GPRC5C: variants seen among roughly 807,000 people sequenced by gnomAD.
GPRC5C encodes G protein-coupled receptor family C group 5 member C.
Under a neutral mutation model 31.4 loss-of-function variants are expected in GPRC5C, and 22 were observed. The observed-to-expected ratio is 0.70, with a 90% CI of 0.50 to 1.00. GPRC5C has a LOEUF of 1.00. Ranked by LOEUF, GPRC5C falls within the 50% of genes least tolerant of loss-of-function variation. The pLI is 0.00. For missense variants in GPRC5C, 557 were observed against 597.2 expected (o/e 0.93, Z 0.70); for synonymous variants, 249 against 257.5 (o/e 0.97, Z 0.32).
chr17:74,436,312 G>A (rs2055430412), intron 1 of GPRC5C, among the ~76,000 whole-genome samples: 1 of 152,144 alleles, frequency 6.6e-6, no homozygotes, highest in Admixed American at 6.6e-5. Flanking sequence ...CACCTGCTCA[G>A]TCCTTCCTCA....
At chr17:74,442,194 G>GA (rs2055552297) in intron 2 of GPRC5C, among the ~76,000 whole-genome samples, 1 of 152,126 alleles carries the variant, frequency 6.6e-6, no homozygotes, top group Non-Finnish European at 1.5e-5. Flanking sequence ...ATAGAGACGG[G>GA]ATTTCACTAT....
At chr17:74,436,218 T>C (rs542102070) in intron 1 of GPRC5C, among the ~76,000 whole-genome samples, 20 of 152,328 alleles carry the variant, frequency 1.3e-4, no homozygotes, top group African/African-American at 4.8e-4. Context: ...CTGAATTCTT[T>C]TTTAACTTGC....
intron 2 of GPRC5C, among the ~76,000 whole-genome samples, chr17:74,441,502 T>C (rs2055539067): frequency 6.6e-6 from 1 of 152,134 alleles, no homozygotes; most frequent in African/African-American, 2.4e-5. Context: ...TGTCAGTACC[T>C]ATTTCATAGG....
intron 1 of GPRC5C, chr17:74,433,665 G>A (rs1452961007): frequency 6.4e-7 from 1 of 1,555,084 alleles, no homozygotes; most frequent in East Asian, 2.2e-5. Flanking sequence ...TGTGTGGGAT[G>A]GGAGGAAGGC....
chr17:74,437,213 T>C (rs1291701476), intron 1 of GPRC5C, among the ~76,000 whole-genome samples: 1 of 152,174 alleles, frequency 6.6e-6, no homozygotes, highest in Admixed American at 6.6e-5. Flanking sequence ...GATTACAGCA[T>C]GAGCCACCGC....
At chr17:74,444,779 A>C (rs2055601580) in intron 3 of GPRC5C, among the ~76,000 whole-genome samples, 1 of 152,190 alleles carries the variant, frequency 6.6e-6, no homozygotes, top group Admixed American at 6.5e-5. Context: ...GGGAGTGGGC[A>C]GCCACAGAAG....
At chr17:74,432,319 G>A in intron 1 of GPRC5C, 178 bp downstream of exon 1, 1 of 1,440,184 alleles carries the variant, frequency 6.9e-7, no homozygotes, top group South Asian at 1.5e-5. Flanking sequence ...GCCCGCGCGA[G>A]AGCGAGCAAC....
chr17:74,449,007 G>T (rs2055682308), downstream of GPRC5C: 2 of 802,904 alleles, frequency 2.5e-6, no homozygotes, highest in Admixed American at 4.9e-5. Flanking sequence ...TTGCCAGGGG[G>T]CTGCCAGGCC....
chr17:74,440,884 C>A lies in GPRC5C; in HGVS notation c.1051+57C>A. On this transcript the variant is annotated intron_variant, in intron 2 of 3. Transcript: ENST00000392627. This position sits in a 1 kb window ranked among gnomAD's most constrained non-coding sequence, Gnocchi z 4.4. ...TTTCTCCATCCCATGTCTTTTACTG[C>A]AGGACAGGGAGCCAGTCTCTTGAGC... The A allele has an allele frequency of 7.2e-7, 1 of 1,397,010 alleles. No homozygotes were observed. Among genetic ancestry groups the A allele is most frequent in the African/African-American group, 1.4e-5 (1 of 69,188 alleles). 86.5% of individuals were successfully genotyped at this position (1,397,010 alleles called of 1,614,324 possible). A position where few individuals can be genotyped will look rare whatever the true frequency, so the allele number is the denominator to read the frequency against.
chr17:74,443,393 C>T (rs2055573709), intron 2 of GPRC5C: 2 of 351,448 alleles, frequency 5.7e-6, no homozygotes, highest in South Asian at 2.2e-5. Flanking sequence ...ATGTATTTAC[C>T]TCTGTGCCTG....
chr17:74,451,561 C>T (rs2251065), downstream of GPRC5C: 35,684 of 152,076 alleles, frequency 0.23, 4,861 homozygotes, highest in African/African-American at 0.39. Flanking sequence ...TATGGGAAAT[C>T]TCACACCCAC....
chr17:74,434,006 C>T (rs1285108495), intron 1 of GPRC5C, among the ~76,000 whole-genome samples: 1 of 152,154 alleles, frequency 6.6e-6, no homozygotes, highest in African/African-American at 2.4e-5. Flanking sequence ...CTGAGCCCAC[C>T]AGGCCTCTGC....
In GPRC5C at chr17:74,440,188, G is replaced by C; in HGVS notation, c.412G>C (p.Val138Leu). 1 of 1,614,186 alleles carries C rather than the reference G, an allele frequency of 6.2e-7. No individual in the cohort carries two copies. The highest frequency in any genetic ancestry group is 8.5e-7 in the Non-Finnish European group (1 of 1,180,030). The change falls in exon 2 of 4, where the codon GTC becomes CTC. Residue 138 changes from valine to leucine, a missense_variant. By Grantham distance (32) the Val-to-Leu change is conservative. Coordinates refer to ENST00000392627, the MANE Select transcript of GPRC5C (RefSeq NM_022036.4). This position sits in a 1 kb window ranked among gnomAD's most constrained non-coding sequence, Gnocchi z 4.4. ...AICFSCLAAH[V>L]FALNFLARKN... Reference sequence around the variant, plus strand: ...CTGCTTCTCTTGTCTGGCGGCTCACGTCTTTGCCCTCAACTTCCTGGCCCG... The same window carrying C: ...CTGCTTCTCTTGTCTGGCGGCTCACCTCTTTGCCCTCAACTTCCTGGCCCG...
intron 1 of GPRC5C, chr17:74,433,828 G>T: frequency 9.0e-7 from 1 of 1,105,922 alleles, no homozygotes; most frequent in Non-Finnish European, 1.4e-6. Flanking sequence ...CTTGGCCCTG[G>T]TGGGTGGAGG....
chr17:74,447,085 C>T lies in GPRC5C; in HGVS notation c.*57C>T. The T allele has an allele frequency of 1.3e-6, 2 of 1,566,366 alleles. No homozygotes were observed. The highest frequency in any genetic ancestry group is 8.7e-7 in the Non-Finnish European group (1 of 1,151,266). On this transcript the variant is annotated 3_prime_UTR_variant, in exon 4 of 4. Transcript: ENST00000392627. ...TGGGGAGGGCCCTGAGGACCTGGCC[C>T]CGGGCAAGGGACTCTCCAGGCTCCT...
intron 3 of GPRC5C, among the ~76,000 whole-genome samples, chr17:74,444,724 T>C (rs2055600653): frequency 6.6e-6 from 1 of 152,146 alleles, no homozygotes; most frequent in Non-Finnish European, 1.5e-5. Context: ...AGAGGAGAGC[T>C]TCCGGAGCAC....
At chr17:74,443,640 C>T in intron 2 of GPRC5C, 178 bp from the exon 3 acceptor site, 1 of 693,608 alleles carries the variant, frequency 1.4e-6, no homozygotes, top group Non-Finnish European at 2.6e-6. Context: ...TGGGAGGGGG[C>T]CCCCGTGTTC....
chr17:74,447,115 C>G lies in GPRC5C; in HGVS notation c.*87C>G. The G allele has an allele frequency of 1.5e-5, 23 of 1,511,246 alleles. No homozygotes were observed. Among genetic ancestry groups the G allele is most frequent in the Non-Finnish European group, 2.0e-5 (23 of 1,128,704 alleles). The allele number at this position is 1,511,246 out of a possible 1,614,324, so 93.6% of individuals were successfully genotyped here. A position where few individuals can be genotyped will look rare whatever the true frequency, so the allele number is the denominator to read the frequency against. ...CAAGGGACTCTCCAGGCTCCTCCTC[C>G]CCCTGGCAGGCCCAGCAACATGTGC... is the stretch of plus-strand genomic sequence containing the variant. On this transcript the variant is annotated 3_prime_UTR_variant, in exon 4 of 4. Transcript: ENST00000392627.
rs766397707 is a variant in GPRC5C, at chr17:74,446,833, C to G, written c.1147-16C>G. 35 of 1,592,502 alleles carry G rather than the reference C, an allele frequency of 2.2e-5. No individual in the cohort carries two copies. The highest frequency in any genetic ancestry group is 3.0e-5 in the Non-Finnish European group (35 of 1,162,820). ...TCCCAATCCCCGACTGTGAGACCGC[C>G]TGTTCTTCCTTCCAGTCCGAAGGAG... On this transcript the variant is annotated splice_polypyrimidine_tract_variant and intron_variant, in intron 3 of 3. Transcript: ENST00000392627.
Sources: gnomAD v4.1 joint callset for allele counts (sites outside exome capture counted in the v4.1 genomes callset) on GRCh38, gnomAD v4.1.1 for gene constraint, Gnocchi (gnomAD v3.1) non-coding constraint, MANE v1.5 for transcripts, NCBI Gene and HGNC (gene_info 2026-07-23, HGNC 2026-07-21) for gene names.